PADI4: variants seen among roughly 807,000 people sequenced by gnomAD.
The protein encoded by PADI4 is protein-arginine deiminase type-4.
In PADI4, 62 loss-of-function variants were observed where a neutral mutation model predicts 75.0. The ratio of observed to expected loss-of-function variants is 0.83; its 90% CI spans 0.67 to 1.02. The LOEUF (loss-of-function observed/expected upper bound fraction) is 1.02. Ranked by LOEUF, PADI4 falls within the 50% of genes least tolerant of loss-of-function variation. The probability of loss-of-function intolerance (pLI) is 0.00; values close to 1 mark genes in which losing one functional copy is unlikely to be tolerated. For missense variants in PADI4, 845 were observed against 850.5 expected, an observed-to-expected ratio of 0.99 and a Z score of 0.08; for synonymous variants, 361 against 348.1, an observed-to-expected ratio of 1.04 and a Z score of -0.41.
In PADI4 at chr1:17,331,198, C is replaced by A. The variant is rs375579237; in HGVS notation, c.273+49C>A. 1.7e-5 allele frequency: 25 copies of A among 1,474,208 alleles called. No individual in the cohort carries two copies. In the East Asian group the frequency reaches 5.8e-4, roughly 34 times the overall value. The allele number at this position is 1,474,208 out of a possible 1,614,324, so 91.3% of individuals were successfully genotyped here. On this transcript the variant is annotated intron_variant, in intron 2 of 15. Transcript: ENST00000375448. The stretch of plus-strand genomic sequence containing the variant: ...GCAGTGTGGATGGGCTTCAGCAGGG[C>A]AGCCACACACACTCTGTCCTGCCGT...
rs367830936 is a variant in PADI4, at chr1:17,363,698, C to A, written c.1935C>A (p.Cys645Ter). Residue 645 changes from cysteine (C) to a stop codon, truncating the protein, a stop_gained, in exon 16 of 16, where the codon TGC (cysteine) becomes TGA (stop). Coordinates refer to ENST00000375448, the MANE Select transcript of PADI4 (RefSeq NM_012387.3). LOFTEE classifies it high-confidence loss of function. ...ACATCAGGCATGGGGAGGTGCACTG[C>A]GGCACCAACGTGCGCAGAAAGCCCT... ...TYHIRHGEVH[C>*]GTNVRRKPFS... 12 of 1,613,984 alleles carry A rather than the reference C, an allele frequency of 7.4e-6. No individual in the cohort carries two copies. The highest frequency in any genetic ancestry group is 1.6e-4 in the Middle Eastern group (1 of 6,084).
intron 1 of PADI4, among the ~76,000 whole-genome samples, chr1:17,310,778 TG>T (rs35758312): frequency 0.4 from 59,971 of 151,808 alleles, 12,393 homozygotes; most frequent in East Asian, 0.62. Flanking sequence ...CTGGCCAACA[TG>T]GGGAAACCCC....
chr1:17,319,491 C>G (rs2073997622), intron 1 of PADI4, among the ~76,000 whole-genome samples: 1 of 151,944 alleles, frequency 6.6e-6, no homozygotes, highest in African/African-American at 2.4e-5. Context: ...GTCACTTCAG[C>G]CTGGGAGGTT....
chr1:17,331,566 C>T (rs905705707), intron 2 of PADI4, among the ~76,000 whole-genome samples: 1 of 152,114 alleles, frequency 6.6e-6, no homozygotes, highest in Non-Finnish European at 1.5e-5. Context: ...ACTGGTAGCC[C>T]CAAGGGATGC....
rs942211811 is a variant in PADI4 at position 17,356,727 on chromosome 1, G to T, written c.1558+268G>T. On this transcript the variant is annotated intron_variant, in intron 13 of 15. Transcript: ENST00000375448. This position sits in a 1 kb window ranked among gnomAD's most constrained non-coding sequence, Gnocchi z 4.1. ...TCTGAGTGGATGGAGCTCAGGGAAG[G>T]CTTCTTGGAGGAGGCAGAGGCCAAG... 4.6e-5 allele frequency among the ~76,000 whole-genome samples: 7 copies of T among 152,090 alleles called. No homozygotes were observed. Among genetic ancestry groups the T allele is most frequent in the Non-Finnish European group, 8.8e-5 (6 of 68,004 alleles).
At position 17,339,740 on chromosome 1, in the gene PADI4, C is replaced by T; in HGVS notation, c.579C>T (p.Phe193=). ...TGAGCACGAAGACCCCCAAGGACTT[C>T]TTCACAAACCATACACTGGTGCTCC... The part of the protein sequence containing the change: ...MTLSTKTPKD[F]FTNHTLVLHV... Residue 193 remains phenylalanine (F), a synonymous_variant, in exon 6 of 16, where the codon TTC becomes TTT. Coordinates refer to ENST00000375448, the MANE Select transcript of PADI4 (RefSeq NM_012387.3). 6.2e-7 allele frequency: 1 copy of T among 1,614,104 alleles called. No homozygotes were observed. The highest frequency in any genetic ancestry group is 8.5e-7 in the Non-Finnish European group (1 of 1,180,006).
At chr1:17,309,747 CAG>C (rs1291097911) in intron 1 of PADI4, among the ~76,000 whole-genome samples, 2 of 152,196 alleles carry the variant, frequency 1.3e-5, no homozygotes, top group Non-Finnish European at 2.9e-5. Context: ...GATGGTCTCC[CAG>C]GGCCACATGG....
intron 15 of PADI4, among the ~76,000 whole-genome samples, chr1:17,361,353 G>A (rs1748010): frequency 0.74 from 113,366 of 152,240 alleles, 42,592 homozygotes; most frequent in Middle Eastern, 0.85. Context: ...GGACGCCCGC[G>A]GCTATGGTAG....
At chr1:17,334,522 C>T (rs1029140913) in intron 3 of PADI4, 4 of 449,634 alleles carry the variant, frequency 8.9e-6, no homozygotes, top group African/African-American at 8.0e-5. Flanking sequence ...AGGCTGGTCT[C>T]GAACTTCTGA....
chr1:17,312,100 C>A (rs1232271461), intron 1 of PADI4, among the ~76,000 whole-genome samples: 3 of 152,054 alleles, frequency 2.0e-5, no homozygotes, highest in Non-Finnish European at 4.4e-5. Flanking sequence ...AATACAGAAA[C>A]AGGAAAAATC....
At chr1:17,320,907 C>T (rs1442020144) in intron 1 of PADI4, among the ~76,000 whole-genome samples, 8 of 152,172 alleles carry the variant, frequency 5.3e-5, no homozygotes, top group Admixed American at 5.2e-4. Context: ...ATGCCTCTGA[C>T]ACTTGTGGTT....
At chr1:17,323,078 C>T (rs1401351196) in intron 1 of PADI4, among the ~76,000 whole-genome samples, 2 of 152,194 alleles carry the variant, frequency 1.3e-5, no homozygotes, top group Non-Finnish European at 2.9e-5. Context: ...GGTGACACTT[C>T]CAAGCCCACT....
rs192932094 is a variant in PADI4 at position 17,337,232 on chromosome 1, G to A, written c.409-806G>A. The stretch of plus-strand genomic sequence containing the variant: ...GCAGGGGCGGTTCACCGCAACCTCC[G>A]CCTCCCAGGTTCAAGTGATTCTCCT... On this transcript the variant is annotated intron_variant, in intron 4 of 15. Transcript: ENST00000375448. 7.2e-4 allele frequency among the ~76,000 whole-genome samples: 109 copies of A among 152,236 alleles called. No homozygotes were observed. In the Middle Eastern group the frequency reaches 0.014, roughly 19 times the overall value.
rs375983197 is a variant in PADI4, at chr1:17,342,106, G to A, written c.816G>A (p.Leu272=). The stretch of plus-strand genomic sequence containing the variant: ...TCATTACCCTCACCATCTCCCTGCT[G>A]GACACGTCCAACCTGGTAGGCCGAG... ...PGLITLTISL[L]DTSNLELPEA... Residue 272 remains leucine (L), a synonymous_variant, in exon 7 of 16, where the codon CTG becomes CTA. Transcript: ENST00000375448. 4.3e-6 allele frequency: 7 copies of A among 1,613,780 alleles called. No homozygotes were observed. The highest frequency in any genetic ancestry group is 1.3e-5 in the African/African-American group (1 of 74,894).
At chr1:17,329,454 T>A (rs1004682317) in intron 1 of PADI4, among the ~76,000 whole-genome samples, 3 of 152,206 alleles carry the variant, frequency 2.0e-5, no homozygotes, top group Admixed American at 2.0e-4. Context: ...GTATGTTACA[T>A]GTATTATATA....
At position 17,342,082 on chromosome 1, in the gene PADI4, C is replaced by T; in HGVS notation, c.792C>T (p.Leu264=). ...TCCCGGACACCGACTTCCCGGGGCT[C>T]ATTACCCTCACCATCTCCCTGCTGG... ...LAFPDTDFPG[L]ITLTISLLDT... The change falls in exon 7 of 16, where the codon CTC becomes CTT. Residue 264 remains leucine (L), a synonymous_variant. Transcript: ENST00000375448. 6.2e-7 allele frequency: 1 copy of T among 1,614,058 alleles called. No individual in the cohort carries two copies.
intron 10 of PADI4, among the ~76,000 whole-genome samples, chr1:17,354,077 TA>T (rs11327771): frequency 0.069 from 9,328 of 135,408 alleles, 818 homozygotes; most frequent in African/African-American, 0.22. Flanking sequence ...CCATCTCTAC[TA>T]AAAAAAAAAA....
rs79479093 is a variant in PADI4 at position 17,325,907 on chromosome 1, T to C, written c.93-5062T>C. ...TTAGTAGAGACAGGGTTTTGCCACGTTGGCCAGGCTGGTCTCCAACTCCCG... is the reference window on the plus strand; with the variant it reads ...TTAGTAGAGACAGGGTTTTGCCACGCTGGCCAGGCTGGTCTCCAACTCCCG... On this transcript the variant is annotated intron_variant, in intron 1 of 15. Transcript: ENST00000375448. 3.1e-3 allele frequency among the ~76,000 whole-genome samples: 471 copies of C among 152,234 alleles called. 21 individuals carry two copies. In the East Asian group the frequency reaches 0.083, roughly 27 times the overall value.
intron 13 of PADI4, among the ~76,000 whole-genome samples, chr1:17,357,052 G>C (rs907379470): frequency 6.6e-6 from 1 of 152,218 alleles, no homozygotes; most frequent in Non-Finnish European, 1.5e-5. Context: ...TTCCTCTCTC[G>C]ATGGGATCTC....
Sources: allele counts gnomAD v4.1 joint callset (sites outside exome capture counted in the v4.1 genomes callset), GRCh38; gene constraint gnomAD v4.1.1; non-coding constraint Gnocchi (gnomAD v3.1); transcripts MANE v1.5; gene names NCBI Gene and HGNC (gene_info 2026-07-23, HGNC 2026-07-21).